Variants in ZNF362 observed in about 807,000 individuals in gnomAD.
ZNF362 encodes the protein zinc finger protein 362.
Under a neutral mutation model 42.9 loss-of-function variants are expected in ZNF362, and 11 were observed. The ratio of observed to expected loss-of-function variants is 0.26; its 90% CI spans 0.16 to 0.42. ZNF362 has a LOEUF of 0.42. Ranked by LOEUF, ZNF362 falls within the 20% of genes least tolerant of loss-of-function variation. The probability of loss-of-function intolerance (pLI) is 1.00; values close to 1 mark genes in which losing one functional copy is unlikely to be tolerated. For missense variants in ZNF362, 362 were observed against 576.2 expected (o/e 0.63, Z 3.81); for synonymous variants, 255 against 257.3 (o/e 0.99, Z 0.09).
In ZNF362 at chr1:33,280,146, C is replaced by T; in HGVS notation, c.372C>T (p.Thr124=). 1 of 1,589,140 alleles carries T rather than the reference C, an allele frequency of 6.3e-7. No individual in the cohort carries two copies. The highest frequency in any genetic ancestry group is 1.1e-5 in the South Asian group (1 of 88,028). Residue 124 remains threonine, a synonymous_variant, in exon 5 of 9, where the codon ACC becomes ACT. Coordinates refer to ENST00000539719, the MANE Select transcript of ZNF362 (RefSeq NM_152493.3). The surrounding 1 kb of genome is among the most constrained non-coding windows in gnomAD (Gnocchi z 5.6). ...TVTGLGLSTR[T]PSVSTSESSA... ...CAGGTCTGGGGCTGTCCACCCGGAC[C>T]CCGTCTGTGAGCACTTCTGAGTCAA...
At chr1:33,244,363 G>C in the ZNF362 span, among the ~76,000 whole-genome samples, 1 of 152,124 alleles carries the variant, frequency 6.6e-6, no homozygotes, top group African/African-American at 2.4e-5. This position sits in a 1 kb window ranked among gnomAD's most constrained non-coding sequence, Gnocchi z 4.0. Flanking sequence ...CTTCCCTGAG[G>C]CACTAACCAC....
the ZNF362 span, among the ~76,000 whole-genome samples, chr1:33,191,560 A>C: frequency 6.6e-6 from 1 of 151,992 alleles, no homozygotes; most frequent in Non-Finnish European, 1.5e-5. Context: ...CCAGGCAGGC[A>C]ATGGCACGAT....
chr1:33,197,630 T>A, the ZNF362 span, among the ~76,000 whole-genome samples: 9 of 152,124 alleles, frequency 5.9e-5, no homozygotes, highest in Non-Finnish European at 1.2e-4. Context: ...CCTTACTGCC[T>A]AGAAAGAGTT....
chr1:33,135,263 G>C, the ZNF362 span, among the ~76,000 whole-genome samples: 41 of 152,284 alleles, frequency 2.7e-4, no homozygotes, highest in South Asian at 4.6e-3. Context: ...ACTCCTGCCT[G>C]GGTGACAGAG....
the ZNF362 span, chr1:33,165,439 C>A: frequency 6.5e-7 from 1 of 1,544,590 alleles, no homozygotes; most frequent in Non-Finnish European, 8.8e-7. This position sits in a 1 kb window ranked among gnomAD's most constrained non-coding sequence, Gnocchi z 4.0. Context: ...TCATCTCTGC[C>A]GGCCCCACCT....
rs1279851685 is a variant in ZNF362, at chr1:33,276,215, G to C, written c.102+52G>C. The C allele has an allele frequency of 3.1e-6, 5 of 1,605,978 alleles. No individual in the cohort carries two copies. In the African/African-American group the frequency reaches 5.3e-5, roughly 17 times the overall value. On this transcript the variant is annotated intron_variant, in intron 3 of 8. Coordinates refer to ENST00000539719, the MANE Select transcript of ZNF362 (RefSeq NM_152493.3). ...GCCCTACCCTCCTTGGCGCTGCTTC[G>C]CTTCCCCTGGGTTTTGGCTGTGGCC...
At chr1:33,235,288 G>C in the ZNF362 span, among the ~76,000 whole-genome samples, 1 of 151,952 alleles carries the variant, frequency 6.6e-6, no homozygotes, top group African/African-American at 2.4e-5. Flanking sequence ...TGCTGTCCCT[G>C]TCCCACCCCG....
At chr1:33,150,967 G>T in the ZNF362 span, among the ~76,000 whole-genome samples, 1 of 152,114 alleles carries the variant, frequency 6.6e-6, no homozygotes, top group African/African-American at 2.4e-5. Context: ...GGTGATTTGA[G>T]ACCAGCAACA....
chr1:33,136,306 TTC>T, the ZNF362 span, among the ~76,000 whole-genome samples: 1 of 141,784 alleles, frequency 7.1e-6, no homozygotes, highest in African/African-American at 2.5e-5. Context: ...TTCTTTTTCT[TTC>T]TTTCTTTCTT....
At chr1:33,259,893 A>T (rs1251830022) in intron 1 of ZNF362, among the ~76,000 whole-genome samples, 2 of 152,184 alleles carry the variant, frequency 1.3e-5, no homozygotes, top group Non-Finnish European at 2.9e-5. Context: ...ATTGTGTCAC[A>T]TGGCTTCTGT....
chr1:33,181,208 G>GTA, the ZNF362 span: 7 of 1,583,030 alleles, frequency 4.4e-6, no homozygotes, highest in Non-Finnish European at 6.0e-6. This position sits in a 1 kb window ranked among gnomAD's most constrained non-coding sequence, Gnocchi z 6.5. Context: ...GGAAGGAGCT[G>GTA]TAGCGCTCCA....
intron 8 of ZNF362, 34 bp from the exon 9 acceptor site, chr1:33,298,896 G>GGGAA: frequency 6.3e-7 from 1 of 1,579,734 alleles, no homozygotes; most frequent in South Asian, 1.1e-5. Flanking sequence ...CCTTGCTGGT[G>GGGAA]GTTCCCTGTT....
the ZNF362 span, chr1:33,143,121 TATC>T: frequency 6.6e-6 from 1 of 152,204 alleles, no homozygotes; most frequent in Non-Finnish European, 1.5e-5. Flanking sequence ...GGGTTCATGA[TATC>T]AGCCTGACAA....
the ZNF362 span, among the ~76,000 whole-genome samples, chr1:33,231,755 AATG>A: frequency 6.6e-6 from 1 of 152,152 alleles, no homozygotes; most frequent in Non-Finnish European, 1.5e-5. Context: ...TGAATGAGCG[AATG>A]ATGGATTCCT....
chr1:33,252,782 T>C (rs879410022), upstream of ZNF362, among the ~76,000 whole-genome samples: 3 of 152,154 alleles, frequency 2.0e-5, no homozygotes, highest in Non-Finnish European at 4.4e-5. Flanking sequence ...ATCCAAGAGA[T>C]TGATTCTTAT....
At chr1:33,205,491 G>GA in the ZNF362 span, among the ~76,000 whole-genome samples, 1 of 149,424 alleles carries the variant, frequency 6.7e-6, no homozygotes, top group African/African-American at 2.5e-5. Context: ...TCTCAAAAAA[G>GA]AAAAAAATGC....
intron 2 of ZNF362, among the ~76,000 whole-genome samples, chr1:33,274,293 C>T (rs536309459): frequency 5.9e-4 from 90 of 152,354 alleles, no homozygotes; most frequent in Middle Eastern, 3.4e-3. Flanking sequence ...AGTCACTCCA[C>T]CTCTCTGAAT....
At chr1:33,157,879 C>T in the ZNF362 span, among the ~76,000 whole-genome samples, 1 of 152,156 alleles carries the variant, frequency 6.6e-6, no homozygotes, top group South Asian at 2.1e-4. Flanking sequence ...GCCTCAGCCT[C>T]TCGAGTAGCT....
chr1:33,138,674 T>C, the ZNF362 span, among the ~76,000 whole-genome samples: 1 of 150,936 alleles, frequency 6.6e-6, no homozygotes, highest in East Asian at 2.0e-4. Flanking sequence ...GTAAACCTTA[T>C]CCTCAAAATG....
Sources: allele counts gnomAD v4.1 joint callset (sites outside exome capture counted in the v4.1 genomes callset), GRCh38; gene constraint gnomAD v4.1.1; non-coding constraint Gnocchi (gnomAD v3.1); transcripts MANE v1.5; gene names NCBI Gene and HGNC (gene_info 2026-07-23, HGNC 2026-07-21).